The following REDIC1 variants were observed in gnomAD, a reference collection of about 807,000 sequenced individuals.
REDIC1 encodes the protein HEI10 Interacting Protein 1.
the REDIC1 span, among the ~76,000 whole-genome samples, chr12:39,703,175 A>C: frequency 0.8 from 120,932 of 152,054 alleles, 48,772 homozygotes; most frequent in Non-Finnish European, 0.87. Context: ...GACTGCATAT[A>C]TAGACAACCC....
chr12:39,701,853 G>A, the REDIC1 span, among the ~76,000 whole-genome samples: 1 of 151,914 alleles, frequency 6.6e-6, no homozygotes, highest in African/African-American at 2.4e-5. Context: ...GGTACATAAC[G>A]AAATGAAGGC....
chr12:39,877,117 G>A, the REDIC1 span, among the ~76,000 whole-genome samples: 2 of 152,110 alleles, frequency 1.3e-5, no homozygotes, highest in African/African-American at 4.8e-5. Flanking sequence ...CCTATTGGGA[G>A]ACTGTTTGTA....
chr12:39,883,366 T>C, the REDIC1 span, among the ~76,000 whole-genome samples: 24 of 152,308 alleles, frequency 1.6e-4, no homozygotes, highest in African/African-American at 5.5e-4. Flanking sequence ...CCCTCATGGC[T>C]GGAGAAGAGT....
chr12:39,740,240 T>C, the REDIC1 span, among the ~76,000 whole-genome samples: 11 of 152,240 alleles, frequency 7.2e-5, no homozygotes, highest in African/African-American at 2.2e-4. Flanking sequence ...TGCTTTAGAG[T>C]TGGGGGGAGT....
At chr12:39,828,542 T>C in the REDIC1 span, among the ~76,000 whole-genome samples, 4 of 152,180 alleles carry the variant, frequency 2.6e-5, no homozygotes, top group African/African-American at 7.2e-5. Flanking sequence ...CTCTGACCTC[T>C]AACTCTTCTA....
chr12:39,827,479 G>T, the REDIC1 span, among the ~76,000 whole-genome samples: 1 of 152,136 alleles, frequency 6.6e-6, no homozygotes, highest in South Asian at 2.1e-4. Context: ...CCTCTCACCT[G>T]TAAGGCTTAT....
chr12:39,873,444 C>T, the REDIC1 span, among the ~76,000 whole-genome samples: 1 of 152,252 alleles, frequency 6.6e-6, no homozygotes, highest in South Asian at 2.1e-4. Flanking sequence ...AATGTCAAAC[C>T]TTACATGTAA....
chr12:39,788,100 T>C, the REDIC1 span, among the ~76,000 whole-genome samples: 2 of 152,152 alleles, frequency 1.3e-5, no homozygotes, highest in South Asian at 4.1e-4. Context: ...TTATTTTACC[T>C]CTAGGAAACT....
At chr12:39,779,498 T>C in the REDIC1 span, among the ~76,000 whole-genome samples, 2 of 152,202 alleles carry the variant, frequency 1.3e-5, no homozygotes, top group African/African-American at 4.8e-5. Flanking sequence ...TCCCCAGGCG[T>C]CATAGGCCAG....
the REDIC1 span, among the ~76,000 whole-genome samples, chr12:39,803,590 A>G: frequency 6.6e-6 from 1 of 152,170 alleles, no homozygotes; most frequent in African/African-American, 2.4e-5. Flanking sequence ...ATATATATAG[A>G]GTCAGAAAAA....
At chr12:39,823,374 T>C in the REDIC1 span, among the ~76,000 whole-genome samples, 9 of 152,292 alleles carry the variant, frequency 5.9e-5, no homozygotes, top group East Asian at 1.4e-3. Context: ...CTTAAGATAC[T>C]GATGTGGTTT....
the REDIC1 span, among the ~76,000 whole-genome samples, chr12:39,650,683 G>A: frequency 2.6e-5 from 4 of 152,000 alleles, no homozygotes; most frequent in South Asian, 8.3e-4. The surrounding 1 kb of genome is among the most constrained non-coding windows in gnomAD (Gnocchi z 4.3). Flanking sequence ...AGTGATTCTC[G>A]TGCCTTAGCA....
At chr12:39,677,549 C>T in the REDIC1 span, among the ~76,000 whole-genome samples, 1 of 152,076 alleles carries the variant, frequency 6.6e-6, no homozygotes. Context: ...AGAAAGTCAA[C>T]AAAGAAACAA....
chr12:39,748,470 G>C, the REDIC1 span, among the ~76,000 whole-genome samples: 1 of 152,044 alleles, frequency 6.6e-6, no homozygotes, highest in Non-Finnish European at 1.5e-5. Flanking sequence ...TAATAATAAT[G>C]GGAGAGTTTA....
chr12:39,712,382 A>ATG, the REDIC1 span, among the ~76,000 whole-genome samples: 694 of 124,852 alleles, frequency 5.6e-3, 15 homozygotes, highest in African/African-American at 0.02. Flanking sequence ...ATATATACCT[A>ATG]TATATATACC....
At chr12:39,712,365 C>G in the REDIC1 span, among the ~76,000 whole-genome samples, 11 of 101,850 alleles carry the variant, frequency 1.1e-4, no homozygotes, top group African/African-American at 2.1e-4. Flanking sequence ...TACATACATA[C>G]ATATGTATAT....
At chr12:39,777,625 G>A in the REDIC1 span, among the ~76,000 whole-genome samples, 3 of 152,074 alleles carry the variant, frequency 2.0e-5, no homozygotes, top group Non-Finnish European at 4.4e-5. Flanking sequence ...TAAAAACCCC[G>A]AGACCCTAGC....
chr12:39,727,672 G>GA, the REDIC1 span, among the ~76,000 whole-genome samples: 1 of 151,848 alleles, frequency 6.6e-6, no homozygotes, highest in African/African-American at 2.4e-5. Flanking sequence ...ATTCTGTGAA[G>GA]AAAGTCTAAT....
chr12:39,810,346 T>C, the REDIC1 span, among the ~76,000 whole-genome samples: 5 of 152,192 alleles, frequency 3.3e-5, no homozygotes, highest in African/African-American at 1.2e-4. Context: ...GTAATAGAAA[T>C]AAAATATATT....
Sources: allele counts gnomAD v4.1 joint callset (sites outside exome capture counted in the v4.1 genomes callset), GRCh38; gene constraint gnomAD v4.1.1; non-coding constraint Gnocchi (gnomAD v3.1); transcripts MANE v1.5; gene names NCBI Gene and HGNC (gene_info 2026-07-23, HGNC 2026-07-21).